PDCD6IP: variants seen among roughly 807,000 people sequenced by gnomAD.
PDCD6IP encodes programmed cell death 6-interacting protein.
In PDCD6IP, 43 loss-of-function variants were observed where a neutral mutation model predicts 103.7. The observed-to-expected ratio is 0.41, with a 90% confidence interval of 0.32 to 0.53. The LOEUF (loss-of-function observed/expected upper bound fraction) is 0.53. Among genes scored for constraint, PDCD6IP ranks in the 20% least tolerant of loss-of-function variants. The pLI is 0.16. For synonymous variants in PDCD6IP, 354 were observed against 378.7 expected (o/e 0.93, Z 0.76); for missense variants, 871 against 1,036.7 (o/e 0.84, Z 2.20).
chr3:33,860,227 G>A (rs776006060), intron 15 of PDCD6IP, among the ~76,000 whole-genome samples: 2 of 152,114 alleles, frequency 1.3e-5, no homozygotes, highest in Non-Finnish European at 2.9e-5. Flanking sequence ...TTGTAAACAA[G>A]TATATATTTT....
At chr3:33,816,463 C>CCATT (rs780332504) in intron 3 of PDCD6IP, among the ~76,000 whole-genome samples, 8 of 146,914 alleles carry the variant, frequency 5.4e-5, no homozygotes, top group Non-Finnish European at 1.2e-4. Flanking sequence ...TGAGATTGTG[C>CCATT]CATTGCACTC....
At chr3:33,856,089 C>T (rs1697822238) in intron 15 of PDCD6IP, among the ~76,000 whole-genome samples, 1 of 152,142 alleles carries the variant, frequency 6.6e-6, no homozygotes, top group South Asian at 2.1e-4. Flanking sequence ...TTGTGAACTG[C>T]CCGTGTAAGG....
At chr3:33,811,907 A>T (rs973778981) in intron 1 of PDCD6IP, among the ~76,000 whole-genome samples, 165 bp from the exon 2 acceptor site, 3 of 152,198 alleles carry the variant, frequency 2.0e-5, no homozygotes, top group African/African-American at 7.2e-5. Context: ...TTCACTGCAT[A>T]TATTTTTTAA....
At chr3:33,832,093 A>C (rs1697256498) in intron 7 of PDCD6IP, among the ~76,000 whole-genome samples, 1 of 152,206 alleles carries the variant, frequency 6.6e-6, no homozygotes, top group African/African-American at 2.4e-5. Context: ...CCATAAGAAC[A>C]CCATAAACTG....
At chr3:33,864,158 G>A (rs759565209) in intron 16 of PDCD6IP, 29 bp downstream of exon 16, 10 of 1,272,314 alleles carry the variant, frequency 7.9e-6, no homozygotes, top group Non-Finnish European at 1.1e-5. Context: ...ATTTTAAACA[G>A]AGGTTTTACA....
chr3:33,815,366 A>T (rs1351777388), intron 3 of PDCD6IP, among the ~76,000 whole-genome samples: 1 of 152,096 alleles, frequency 6.6e-6, no homozygotes, highest in African/African-American at 2.4e-5. Flanking sequence ...TTACCCAGGT[A>T]CTCTGGAAGG....
Position 33,852,639 on chromosome 3 carries a change from C to G in PDCD6IP, c.1793C>G (p.Ala598Gly). The G allele has an allele frequency of 2.5e-6, 4 of 1,600,312 alleles. No individual in the cohort carries two copies. Among genetic ancestry groups the G allele is most frequent in the Non-Finnish European group, 3.4e-6 (4 of 1,176,514 alleles). Reference sequence around the variant, plus strand: ...CAAGATGGTGTGATAAATGAAGAAGCTCTTTCTGTTACTGAACTAGATCGA... The same window carrying G: ...CAAGATGGTGTGATAAATGAAGAAGGTCTTTCTGTTACTGAACTAGATCGA... ...LAQDGVINEE[A>G]LSVTELDRVY... Residue 598 changes from alanine to glycine, a missense_variant, in exon 13 of 18, where the codon GCT becomes GGT. This residue lies in a region of PDCD6IP where 266 missense variants were observed against 390.5 expected (regional missense o/e 0.68). Coordinates refer to ENST00000307296, the MANE Select transcript of PDCD6IP (RefSeq NM_013374.6).
In PDCD6IP at chr3:33,836,253, T is replaced by A. The variant is rs1409191291; in HGVS notation, c.1044T>A (p.Ser348Arg). 1 of 1,595,096 alleles carries A rather than the reference T, an allele frequency of 6.3e-7. No individual in the cohort carries two copies. Among genetic ancestry groups the A allele is most frequent in the African/African-American group, 1.3e-5 (1 of 74,574 alleles). Residue 348 changes from serine (S) to arginine (R), a missense_variant, in exon 8 of 18, where the codon AGT (serine) becomes AGA (arginine). By Grantham distance (110) the Ser-to-Arg change is moderately radical (BLOSUM62 -1). Transcript: ENST00000307296. ...VKSTPVNVPI[S>R]QKFTDLFEKM... ...CTACCCCGGTCAATGTACCCATCAG[T>A]CAGAAATTTACTGGTATGTCAGTTA...
chr3:33,852,544 A>G lies in PDCD6IP; in HGVS notation c.1698A>G (p.Arg566=). The G allele has an allele frequency of 6.4e-7, 1 of 1,564,466 alleles. No homozygotes were observed. Among genetic ancestry groups the G allele is most frequent in the Non-Finnish European group, 8.6e-7 (1 of 1,162,098 alleles). ...ATCTTGATGAAGTAAAGAAGGAAAG[A>G]GAGGGTCTGGAGAATGACTTGAAAT... ...LSNLDEVKKE[R]EGLENDLKSV... is the part of the protein sequence containing the mutation. The change falls in exon 13 of 18, where the codon AGA becomes AGG. Residue 566 remains arginine (R), a synonymous_variant. Coordinates refer to ENST00000307296, the MANE Select transcript of PDCD6IP (RefSeq NM_013374.6).
chr3:33,823,301 G>A (rs970758824), intron 4 of PDCD6IP, among the ~76,000 whole-genome samples: 1 of 152,118 alleles, frequency 6.6e-6, no homozygotes, highest in South Asian at 2.1e-4. Context: ...GAGGTAGTCT[G>A]CTTTTTCCCG....
chr3:33,815,098 C>T (rs1174108438), intron 3 of PDCD6IP, among the ~76,000 whole-genome samples: 1 of 148,240 alleles, frequency 6.7e-6, no homozygotes, highest in Non-Finnish European at 1.5e-5. Context: ...CATATACATA[C>T]ATGTATCTAT....
At chr3:33,855,949 G>C (rs1016516159) in intron 15 of PDCD6IP, among the ~76,000 whole-genome samples, 1 of 152,212 alleles carries the variant, frequency 6.6e-6, no homozygotes, top group African/African-American at 2.4e-5. Flanking sequence ...TTCGTGGCCT[G>C]TTAGGCACTG....
rs369166349 is a variant in PDCD6IP, at chr3:33,836,218, C to G, written c.1009C>G (p.Leu337Val). Residue 337 changes from leucine (L) to valine (V), a missense_variant, in exon 8 of 18, where the codon CTT becomes GTT. Transcript: ENST00000307296. ...KDLDPIGKAT[L>V]VKSTPVNVPI... ...TCTAGATCCTATTGGCAAAGCCACA[C>G]TTGTGAAATCTACCCCGGTCAATGT... 6.2e-7 allele frequency: 1 copy of G among 1,613,130 alleles called. No homozygotes were observed. The highest frequency in any genetic ancestry group is 1.3e-5 in the African/African-American group (1 of 74,910).
chr3:33,850,157 T>G (rs1361643586), intron 12 of PDCD6IP, among the ~76,000 whole-genome samples: 8 of 152,252 alleles, frequency 5.3e-5, no homozygotes, highest in Admixed American at 5.2e-4. Flanking sequence ...GGTACTATTA[T>G]GCCCATTTTG....
chr3:33,816,272 C>G (rs1295118679), intron 3 of PDCD6IP, among the ~76,000 whole-genome samples: 3 of 151,912 alleles, frequency 2.0e-5, no homozygotes, highest in Admixed American at 6.6e-5. Flanking sequence ...TTTGGGAGGC[C>G]GAGGTGGGTG....
intron 9 of PDCD6IP, among the ~76,000 whole-genome samples, chr3:33,840,328 G>C (rs1257418912): frequency 6.6e-6 from 1 of 152,216 alleles, no homozygotes; most frequent in African/African-American, 2.4e-5. Context: ...TGAGTAGGCT[G>C]AGGAAGAGGC....
intron 8 of PDCD6IP, among the ~76,000 whole-genome samples, chr3:33,836,502 T>C (rs1697351670): frequency 1.3e-5 from 2 of 152,130 alleles, no homozygotes; most frequent in Admixed American, 1.3e-4. Context: ...GTGTGTTTGA[T>C]TAAGACTGTA....
intron 1 of PDCD6IP, among the ~76,000 whole-genome samples, chr3:33,808,779 T>C (rs1410212679): frequency 6.6e-6 from 1 of 152,212 alleles, no homozygotes; most frequent in Non-Finnish European, 1.5e-5. Context: ...AACCTTTTGA[T>C]GATTCACACT....
rs543587988 is a variant in PDCD6IP, at chr3:33,866,786, G to A, written c.*261G>A. The A allele has an allele frequency of 5.4e-5, 18 of 332,218 alleles. No individual in the cohort carries two copies. Among genetic ancestry groups the A allele is most frequent in the Admixed American group, 9.6e-5 (2 of 20,726 alleles). 20.6% of individuals were successfully genotyped at this position (332,218 alleles called of 1,614,324 possible). A position where few individuals can be genotyped will look rare whatever the true frequency, so the allele number is the denominator to read the frequency against. ...TACAGTTCATAAAAATTGAAAATGA[G>A]AAATTAAACCTGCAAGTGAAACATT... On this transcript the variant is annotated 3_prime_UTR_variant, in exon 18 of 18. Coordinates refer to ENST00000307296, the MANE Select transcript of PDCD6IP (RefSeq NM_013374.6).
Sources: gnomAD v4.1 joint callset for allele counts (sites outside exome capture counted in the v4.1 genomes callset) on GRCh38, gnomAD v4.1.1 for gene constraint, gnomAD v4.1.1 regional missense constraint, MANE v1.5 for transcripts, NCBI Gene and HGNC (gene_info 2026-07-23, HGNC 2026-07-21) for gene names.